DKK2: variants seen among roughly 807,000 people sequenced by gnomAD.
DKK2 encodes dickkopf Wnt signaling pathway inhibitor 2, also known as dickkopf-related protein 2.
DKK2 carries 11 observed loss-of-function variants against 28.1 expected under a neutral mutation model. The observed-to-expected ratio is 0.39, with a 90% CI of 0.25 to 0.65. DKK2 has a LOEUF of 0.65. Among genes scored for constraint, DKK2 ranks in the 30% least tolerant of loss-of-function variants. The pLI, the probability that DKK2 is intolerant of heterozygous loss-of-function variation, is 0.47. For missense variants in DKK2, 326 were observed against 335.5 expected (o/e 0.97, Z 0.22); for synonymous variants, 135 against 126.5 (o/e 1.07, Z -0.45).
chr4:106,983,025 GA>G (rs1429466144), intron 1 of DKK2, among the ~76,000 whole-genome samples: 4 of 133,112 alleles, frequency 3.0e-5, no homozygotes, highest in Non-Finnish European at 6.6e-5. Context: ...AGGAAGGAAG[GA>G]AGAAGAAAGA....
intron 1 of DKK2, among the ~76,000 whole-genome samples, chr4:106,996,056 T>C (rs749654276): frequency 1.1e-4 from 17 of 152,172 alleles, no homozygotes; most frequent in Non-Finnish European, 1.9e-4. Flanking sequence ...GGAGGAAAAA[T>C]AGTTCTGAAG....
intron 1 of DKK2, among the ~76,000 whole-genome samples, chr4:106,948,795 G>A (rs1458937919): frequency 6.6e-6 from 1 of 151,958 alleles, no homozygotes; most frequent in Admixed American, 6.6e-5. Context: ...AAGGTAAGAG[G>A]GCTTCTTTTG....
intron 1 of DKK2, among the ~76,000 whole-genome samples, chr4:107,013,826 A>G (rs1168656513): frequency 2.0e-5 from 3 of 151,554 alleles, no homozygotes; most frequent in Non-Finnish European, 4.4e-5. Context: ...TATATAAGGA[A>G]CTCAAACCAC....
At chr4:106,924,472 A>T (rs746149718) in intron 3 of DKK2, 73 bp downstream of exon 3, 5 of 1,515,452 alleles carry the variant, frequency 3.3e-6, no homozygotes, top group Non-Finnish European at 4.4e-6. Context: ...TCTAAAACCA[A>T]TGGAATTAAT....
intron 1 of DKK2, among the ~76,000 whole-genome samples, chr4:106,959,865 C>T (rs1046851112): frequency 6.6e-6 from 1 of 151,812 alleles, no homozygotes; most frequent in Non-Finnish European, 1.5e-5. Flanking sequence ...TTTTTAAATG[C>T]CCTTTCAGAG....
chr4:106,983,178 T>C (rs903496975), intron 1 of DKK2, among the ~76,000 whole-genome samples: 2 of 151,828 alleles, frequency 1.3e-5, no homozygotes, highest in African/African-American at 4.8e-5. Flanking sequence ...TAAATATTTA[T>C]GTGCTCAGTA....
chr4:106,929,281 T>C (rs868244179), intron 1 of DKK2, among the ~76,000 whole-genome samples: 12 of 152,356 alleles, frequency 7.9e-5, no homozygotes, highest in African/African-American at 2.4e-4. Context: ...GCTCTTCATT[T>C]ACCTGGAACA....
At chr4:106,938,391 C>A (rs1227488498) in intron 1 of DKK2, among the ~76,000 whole-genome samples, 1 of 152,154 alleles carries the variant, frequency 6.6e-6, no homozygotes, top group Non-Finnish European at 1.5e-5. Context: ...AATTCCTCGA[C>A]ACCTACACTC....
At chr4:107,009,666 T>C (rs902306214) in intron 1 of DKK2, among the ~76,000 whole-genome samples, 2 of 151,780 alleles carry the variant, frequency 1.3e-5, no homozygotes, top group Admixed American at 6.6e-5. Flanking sequence ...TACTTCAACA[T>C]GGGAACTTGC....
chr4:107,016,197 C>T (rs918940051), intron 1 of DKK2, among the ~76,000 whole-genome samples: 3 of 151,846 alleles, frequency 2.0e-5, no homozygotes, highest in African/African-American at 7.2e-5. Context: ...AGTCATTCTC[C>T]TTGTTTGCTT....
chr4:106,960,464 G>T (rs190691570), intron 1 of DKK2, among the ~76,000 whole-genome samples: 3 of 151,922 alleles, frequency 2.0e-5, no homozygotes, highest in African/African-American at 4.8e-5. Flanking sequence ...ACTAACTTTT[G>T]GGAACAATGT....
At chr4:107,023,407 G>C (rs1723724689) in intron 1 of DKK2, among the ~76,000 whole-genome samples, 1 of 152,028 alleles carries the variant, frequency 6.6e-6, no homozygotes, top group Non-Finnish European at 1.5e-5. Context: ...CATATGGTAT[G>C]ATTACAACTG....
At chr4:107,011,850 G>A (rs747908216) in intron 1 of DKK2, among the ~76,000 whole-genome samples, 22 of 151,368 alleles carry the variant, frequency 1.5e-4, no homozygotes, top group Non-Finnish European at 2.8e-4. Flanking sequence ...TCAATACAGT[G>A]AGAAAAAGCA....
intron 1 of DKK2, among the ~76,000 whole-genome samples, chr4:106,930,571 G>A (rs1191619835): frequency 6.6e-6 from 1 of 152,182 alleles, no homozygotes; most frequent in African/African-American, 2.4e-5. Flanking sequence ...ATGAGAGGAA[G>A]AAAAGAAGAG....
chr4:106,966,031 T>C (rs1288604004), intron 1 of DKK2, among the ~76,000 whole-genome samples: 1 of 152,002 alleles, frequency 6.6e-6, no homozygotes, highest in Non-Finnish European at 1.5e-5. Flanking sequence ...GTCTTTGCTA[T>C]TGTGAATAGT....
chr4:106,983,321 A>AAAGG (rs1560585784), intron 1 of DKK2, among the ~76,000 whole-genome samples: 20 of 113,928 alleles, frequency 1.8e-4, no homozygotes, highest in African/African-American at 4.5e-4. Flanking sequence ...AAGAAAGAAG[A>AAAGG]AAGAAAGGAA....
intron 1 of DKK2, among the ~76,000 whole-genome samples, chr4:106,973,294 T>C (rs1722895833): frequency 6.6e-6 from 1 of 152,174 alleles, no homozygotes; most frequent in Non-Finnish European, 1.5e-5. Context: ...TGGTTCTAGA[T>C]CCTTGAGGAA....
chr4:106,948,080 G>A (rs1278356423), intron 1 of DKK2, among the ~76,000 whole-genome samples: 1 of 152,142 alleles, frequency 6.6e-6, no homozygotes, highest in African/African-American at 2.4e-5. Context: ...AGCAGTTTGA[G>A]TGGGCATTAT....
rs952216428 is a variant in DKK2, at chr4:106,939,268, G to A, written c.223-13319C>T. 1.1e-3 allele frequency among the ~76,000 whole-genome samples: 170 copies of A among 152,030 alleles called. 2 individuals are homozygous for A. The highest frequency in any genetic ancestry group is 1.5e-3 in the East Asian group (8 of 5,168). On this transcript the variant is annotated intron_variant, in intron 1 of 3. Transcript: ENST00000285311. ...TGATAAGCAACTTCAGCAAAGTCTC[G>A]GGATACAAAATCAATGTACAAAAAT...
Sources: allele counts gnomAD v4.1 joint callset (sites outside exome capture counted in the v4.1 genomes callset), GRCh38; gene constraint gnomAD v4.1.1; transcripts MANE v1.5; gene names NCBI Gene and HGNC (gene_info 2026-07-23, HGNC 2026-07-21).